The following WDR17 variants were observed in gnomAD, a reference collection of about 807,000 sequenced individuals.
WDR17 encodes the protein WD repeat domain 17.
WDR17 carries 143 observed loss-of-function variants against 161.7 expected under a neutral mutation model. That is an observed-to-expected ratio of 0.88 (90% confidence interval 0.77 to 1.02). The LOEUF is 1.02. Ranked by LOEUF, WDR17 falls within the 50% of genes least tolerant of loss-of-function variation. WDR17 has a pLI of 0.00. For synonymous variants in WDR17, 517 were observed against 515.6 expected (o/e 1.00, Z -0.04); for missense variants, 1,469 against 1,520.9 (o/e 0.97, Z 0.57).
chr4:176,147,295 C>T (rs1746343226), intron 12 of WDR17, among the ~76,000 whole-genome samples: 1 of 152,118 alleles, frequency 6.6e-6, no homozygotes, highest in African/African-American at 2.4e-5. Flanking sequence ...TGGCATATAT[C>T]TGTGACTAAA....
At chr4:176,104,790 A>G (rs1282779824) in intron 1 of WDR17, among the ~76,000 whole-genome samples, 1 of 152,040 alleles carries the variant, frequency 6.6e-6, no homozygotes, top group African/African-American at 2.4e-5. Context: ...AAAATTAACT[A>G]AACACAAAAG....
At chr4:176,168,843 T>G in intron 23 of WDR17, 60 bp downstream of exon 23, 2 of 1,557,870 alleles carry the variant, frequency 1.3e-6, no homozygotes, top group Non-Finnish European at 1.7e-6. Flanking sequence ...TAATTAATTG[T>G]AGGTTCAAGC....
rs1749359421 is a variant in WDR17 at position 176,163,556 on chromosome 4, GACA to G, written c.2990+268_2990+270del. Among the ~76,000 whole-genome samples, 8 of 152,138 alleles carry G rather than the reference GACA, an allele frequency of 5.3e-5. No homozygotes were observed. The South Asian group carries it at 1.7e-3, about 31-fold the overall frequency. ...GTTTCAAGCACTTAAAGTATCATGAGACAACAAATGTGCTCTTCTTAAGATGAT... is the reference window on the plus strand; with the variant it reads ...GTTTCAAGCACTTAAAGTATCATGAGACAAATGTGCTCTTCTTAAGATGAT... On this transcript the variant is annotated intron_variant, in intron 22 of 28. Coordinates refer to ENST00000508596, the MANE Select transcript of WDR17 (RefSeq NM_181265.4).
rs986004230 is a variant in WDR17, at chr4:176,174,720, TA to T, written c.3449+8del. On this transcript the variant is annotated splice_donor_region_variant and intron_variant, in intron 26 of 28. Transcript: ENST00000508596. ...TCCAGCACTTTATGAGTACACAAGG[TA>T]AAAAAGGTTTTTTCCTCCATCATGA... 4.4e-6 allele frequency: 7 copies of T among 1,588,530 alleles called. No homozygotes were observed. The highest frequency in any genetic ancestry group is 1.7e-5 in the Admixed American group (1 of 57,940).
intron 1 of WDR17, among the ~76,000 whole-genome samples, chr4:176,108,848 G>T (rs1266662738): frequency 6.6e-6 from 1 of 152,060 alleles, no homozygotes; most frequent in South Asian, 2.1e-4. Context: ...AGAGTGCAGT[G>T]GCATGATCAC....
chr4:176,112,464 G>A (rs1002554149), intron 2 of WDR17, among the ~76,000 whole-genome samples: 1 of 152,084 alleles, frequency 6.6e-6, no homozygotes, highest in Non-Finnish European at 1.5e-5. Flanking sequence ...TCATAAAATG[G>A]CATTCAAATG....
intron 2 of WDR17, among the ~76,000 whole-genome samples, chr4:176,113,518 G>A (rs946718453): frequency 6.6e-6 from 1 of 151,852 alleles, no homozygotes; most frequent in Non-Finnish European, 1.5e-5. Context: ...TAAACTTAGG[G>A]GACAGTTCAT....
rs779922543 is a variant in WDR17, at chr4:176,151,959, C to T, written c.2452C>T (p.Leu818Phe). The change falls in exon 17 of 29, where the codon CTT becomes TTT. Residue 818 changes from leucine (L) to phenylalanine (F), a missense_variant. Leu to Phe is a conservative substitution (Grantham distance 22). Transcript: ENST00000508596. ...GAGATACTGTGAACTTATGGTTGAA[C>T]TTGGAGAGGTAATGTGCTATGAAAG... Reference protein sequence around the residue: ...IQRYCELMVELGEWDKALSIA... With the variant: ...IQRYCELMVEFGEWDKALSIA... 2.5e-6 allele frequency: 4 copies of T among 1,611,922 alleles called. No homozygotes were observed. Among genetic ancestry groups the T allele is most frequent in the Non-Finnish European group, 2.5e-6 (3 of 1,179,408 alleles).
rs550768825 is a variant in WDR17 at position 176,116,969 on chromosome 4, T to A, written c.307+990T>A. ...GATATTTGTCAAATGAAGTTAATTT[T>A]CAACTAGAAGTATATGGATCTCATT... On this transcript the variant is annotated intron_variant, in intron 3 of 28. Coordinates refer to ENST00000508596, the MANE Select transcript of WDR17 (RefSeq NM_181265.4). Among the ~76,000 whole-genome samples, 104 of 152,032 alleles carry A rather than the reference T, an allele frequency of 6.8e-4. 1 individual carries two copies. Among genetic ancestry groups the A allele is most frequent in the African/African-American group, 2.3e-3 (94 of 41,554 alleles).
intron 11 of WDR17, among the ~76,000 whole-genome samples, chr4:176,144,003 CT>C (rs1745745231): frequency 6.6e-6 from 1 of 152,108 alleles, no homozygotes; most frequent in African/African-American, 2.4e-5. Flanking sequence ...TTTTATTAAT[CT>C]CATTCCCAGG....
At position 176,139,949 on chromosome 4, in the gene WDR17, G is replaced by A. The variant is rs1561164950; in HGVS notation, c.1417G>A (p.Ala473Thr). 1 of 1,611,856 alleles carries A rather than the reference G, an allele frequency of 6.2e-7. No homozygotes were observed. Among genetic ancestry groups the A allele is most frequent in the South Asian group, 1.1e-5 (1 of 90,842 alleles). ...AWSHKDSKRI[A>T]TCSSDGFCII... is the part of the protein sequence containing the mutation. ...GAGTCATAAAGATTCTAAAAGAATA[G>A]CAACCTGCAGCAGTGATGGTTTCTG... Residue 473 changes from alanine to threonine, a missense_variant, in exon 10 of 29, where the codon GCA becomes ACA. Physicochemically the swap from Ala to Thr is moderately conservative, Grantham distance 58. Transcript: ENST00000508596.
In WDR17 at chr4:176,106,255, A is replaced by G. The variant is rs28834727; in HGVS notation, c.-6-5320A>G. ...AGGCAGTTATATAGACCAGTGGAAT[A>G]TAATATTTTATCCTGCAAATATATA... On this transcript the variant is annotated intron_variant, in intron 1 of 28. Coordinates refer to ENST00000508596, the MANE Select transcript of WDR17 (RefSeq NM_181265.4). Among the ~76,000 whole-genome samples, 1,296 of 151,938 alleles carry G rather than the reference A, an allele frequency of 8.5e-3. 28 individuals are homozygous for G. Among genetic ancestry groups the G allele is most frequent in the African/African-American group, 0.029 (1,199 of 41,528 alleles).
intron 1 of WDR17, among the ~76,000 whole-genome samples, chr4:176,079,923 C>G (rs771399197): frequency 2.0e-5 from 3 of 151,982 alleles, no homozygotes; most frequent in Admixed American, 6.6e-5. Context: ...CTTCCCCTCC[C>G]ATGATAACCT....
At chr4:176,111,845 TACC>T in intron 2 of WDR17, 142 bp downstream of exon 2, 1 of 831,058 alleles carries the variant, frequency 1.2e-6, no homozygotes, top group Non-Finnish European at 1.6e-6. Flanking sequence ...TTGTGATTTA[TACC>T]GTATAGGTTT....
intron 18 of WDR17, among the ~76,000 whole-genome samples, chr4:176,156,909 AT>A (rs574357657): frequency 3.3e-5 from 5 of 152,144 alleles, no homozygotes; most frequent in Non-Finnish European, 7.4e-5. Context: ...TTATCTGCAC[AT>A]GGCATTATTC....
chr4:176,137,536 T>C lies in WDR17; in HGVS notation c.1284T>C (p.Ile428=), dbSNP rs1421198882. The change falls in exon 9 of 29, where the codon ATT becomes ATC. Residue 428 remains isoleucine, a synonymous_variant. Coordinates refer to ENST00000508596, the MANE Select transcript of WDR17 (RefSeq NM_181265.4). ...TTTCCTAAGGTGGTTTAAATTGTAT[T>C]GCTGGGGGAACTTCCCGAAATGGTG... The part of the protein sequence containing the change: ...LSWAPGGLNC[I]AGGTSRNGAF... 1 of 1,602,280 alleles carries C rather than the reference T, an allele frequency of 6.2e-7. No individual in the cohort carries two copies. Among genetic ancestry groups the C allele is most frequent in the East Asian group, 2.3e-5 (1 of 44,442 alleles).
chr4:176,139,803 C>G, intron 9 of WDR17, 89 bp from the exon 10 acceptor site: 1 of 1,093,176 alleles, frequency 9.1e-7, no homozygotes, highest in Non-Finnish European at 1.3e-6. Context: ...ACATTCCTAA[C>G]AGAAAAGTAA....
In WDR17 at chr4:176,107,519, T is replaced by G. The variant is rs28862020; in HGVS notation, c.-6-4056T>G. 8.4e-3 allele frequency among the ~76,000 whole-genome samples: 1,272 copies of G among 151,048 alleles called. 28 individuals are homozygous for G. Among genetic ancestry groups the G allele is most frequent in the African/African-American group, 0.029 (1,179 of 41,018 alleles). On this transcript the variant is annotated intron_variant, in intron 1 of 28. Transcript: ENST00000508596. ...AACATTTTTTGTAATAGCTAAAACATGGAAGCAATCCAGGCGACAAATCAC... is the reference window on the plus strand; with the variant it reads ...AACATTTTTTGTAATAGCTAAAACAGGGAAGCAATCCAGGCGACAAATCAC...
chr4:176,150,507 G>A lies in WDR17; in HGVS notation c.2218G>A (p.Val740Met). Residue 740 changes from valine (V) to methionine (M), a missense_variant, in exon 16 of 29, where the codon GTG becomes ATG. Coordinates refer to ENST00000508596, the MANE Select transcript of WDR17 (RefSeq NM_181265.4). ...TGACAATTTATGGAACTTGGTTGCTGTGATAAAAGGACAGGATGATAGCTT... is the reference window on the plus strand; with the variant it reads ...TGACAATTTATGGAACTTGGTTGCTATGATAAAAGGACAGGATGATAGCTT... ...GSDNLWNLVA[V>M]IKGQDDSLLP... is the part of the protein sequence containing the mutation. 1.2e-6 allele frequency: 2 copies of A among 1,611,678 alleles called. No homozygotes were observed. The highest frequency in any genetic ancestry group is 1.7e-6 in the Non-Finnish European group (2 of 1,179,170).
Sources: gnomAD v4.1 joint callset for allele counts (sites outside exome capture counted in the v4.1 genomes callset) on GRCh38, gnomAD v4.1.1 for gene constraint, MANE v1.5 for transcripts, NCBI Gene and HGNC (gene_info 2026-07-23, HGNC 2026-07-21) for gene names.